The following TACC2 variants were observed in gnomAD, a reference collection of about 807,000 sequenced individuals.
TACC2 encodes transforming acidic coiled-coil-containing protein 2.
A neutral mutation model predicts 227.3 loss-of-function variants in TACC2; 137 were observed. The ratio of observed to expected loss-of-function variants is 0.60; its 90% confidence interval spans 0.52 to 0.69. TACC2 has a LOEUF of 0.69. TACC2 is among the 30% of genes least tolerant of loss of function. The pLI is 0.00. For missense variants in TACC2, 3,470 were observed against 3,694.4 expected (o/e 0.94, Z 1.57); for synonymous variants, 1,523 against 1,487.5 (o/e 1.02, Z -0.55).
intron 11 of TACC2, among the ~76,000 whole-genome samples, chr10:122,221,426 T>A (rs950916237): frequency 6.6e-6 from 1 of 152,170 alleles, no homozygotes; most frequent in African/African-American, 2.4e-5. Context: ...TCTCAGTGAC[T>A]CTTTGGTGGT....
chr10:122,041,777 G>C (rs1294970888), intron 2 of TACC2, among the ~76,000 whole-genome samples: 3 of 152,186 alleles, frequency 2.0e-5, no homozygotes, highest in Non-Finnish European at 2.9e-5. Context: ...ACTGTCACCT[G>C]TCTGCTCCCA....
At chr10:122,097,162 C>CAAAAAG (rs2081534292) in intron 5 of TACC2, among the ~76,000 whole-genome samples, 1 of 151,304 alleles carries the variant, frequency 6.6e-6, no homozygotes, top group Admixed American at 6.6e-5. Context: ...TCCATCTCTA[C>CAAAAAG]AAAAAGAAAA....
At chr10:122,088,112 G>A (rs2080290997) in intron 4 of TACC2, among the ~76,000 whole-genome samples, 153 bp downstream of exon 4, 1 of 152,176 alleles carries the variant, frequency 6.6e-6, no homozygotes, top group African/African-American at 2.4e-5. Context: ...TACCCCCTCT[G>A]GATGTCCTGA....
chr10:122,019,349 T>G (rs1304106194), intron 1 of TACC2, among the ~76,000 whole-genome samples: 1 of 152,234 alleles, frequency 6.6e-6, no homozygotes. Flanking sequence ...GTATGTGCGT[T>G]TCCACATTAT....
chr10:122,050,463 G>A lies in TACC2; in HGVS notation c.59G>A (p.Arg20Lys), dbSNP rs758684627. 7 of 1,613,986 alleles carry A rather than the reference G, an allele frequency of 4.3e-6. No individual in the cohort carries two copies. Among genetic ancestry groups the A allele is most frequent in the Middle Eastern group, 1.6e-4 (1 of 6,062 alleles). ...NQRTLSAQTPRSAQPPGNSQN... is the reference protein window; with the variant it reads ...NQRTLSAQTPKSAQPPGNSQN... The stretch of plus-strand genomic sequence containing the variant: ...AGGACTTTATCAGCTCAGACTCCAA[G>A]GTCCGCGCAGCCACCCGGGAACAGT... The change falls in exon 3 of 23, where the codon AGG becomes AAG. Residue 20 changes from arginine (R) to lysine (K), a missense_variant. Physicochemically the swap from Arg to Lys is conservative, Grantham distance 26 (BLOSUM62 2). Around this residue, in one of 10 missense-constraint regions of TACC2, gnomAD observed 405 missense variants for 389.6 expected, o/e 1.04. Transcript: ENST00000369005. The surrounding 1 kb of genome is among the most constrained non-coding windows in gnomAD (Gnocchi z 4.6).
Position 122,211,121 on chromosome 10 carries a change from A to G in TACC2, c.6696A>G (p.Lys2232=), listed in dbSNP as rs1461134307. The G allele has an allele frequency of 6.2e-7, 1 of 1,609,888 alleles. No individual in the cohort carries two copies. The highest frequency in any genetic ancestry group is 1.7e-5 in the Admixed American group (1 of 59,176). ...RVQNSPPVGR[K]TLPLTTAPEA... is the part of the protein sequence containing the mutation. ...AGAACTCACCCCCTGTCGGGAGGAAAACGCTGCCTCTTACCACGGCCCCGG... is the reference window on the plus strand; with the variant it reads ...AGAACTCACCCCCTGTCGGGAGGAAGACGCTGCCTCTTACCACGGCCCCGG... Residue 2232 remains lysine (K), a synonymous_variant, in exon 9 of 23, where the codon AAA becomes AAG. Coordinates refer to ENST00000369005, the MANE Select transcript of TACC2 (RefSeq NM_206862.4).
intron 5 of TACC2, among the ~76,000 whole-genome samples, chr10:122,115,041 C>G (rs1221082900): frequency 6.6e-6 from 1 of 152,248 alleles, no homozygotes; most frequent in Non-Finnish European, 1.5e-5. Context: ...AACCCCAGAC[C>G]GCAGACACTT....
At chr10:122,213,194 C>T (rs1475480711) in intron 9 of TACC2, 3 of 754,538 alleles carry the variant, frequency 4.0e-6, no homozygotes, top group East Asian at 4.9e-5. Flanking sequence ...GGAAGCTGTT[C>T]CCCAGCAGCT....
chr10:122,111,388 C>T (rs1279381579), intron 5 of TACC2, among the ~76,000 whole-genome samples: 1 of 152,212 alleles, frequency 6.6e-6, no homozygotes, highest in Non-Finnish European at 1.5e-5. Context: ...GGGATGGCAC[C>T]TCAAGTTCAT....
intron 2 of TACC2, among the ~76,000 whole-genome samples, chr10:122,031,607 G>A (rs1431506349): frequency 6.6e-6 from 1 of 151,784 alleles, no homozygotes; most frequent in East Asian, 1.9e-4. Flanking sequence ...GTTTCACCGT[G>A]TTAGCCAGGT....
rs771655052 is a variant in TACC2, at chr10:122,210,679, G to A, written c.6254G>A (p.Arg2085Gln). The change falls in exon 9 of 23, where the codon CGG (arginine) becomes CAG (glutamine). Residue 2085 changes from arginine (R) to glutamine (Q), a missense_variant. Physicochemically the swap from Arg to Gln is conservative, Grantham distance 43. Coordinates refer to ENST00000369005, the MANE Select transcript of TACC2 (RefSeq NM_206862.4). This position sits in a 1 kb window ranked among gnomAD's most constrained non-coding sequence, Gnocchi z 4.6. The stretch of plus-strand genomic sequence containing the variant: ...CCCATCTCTAAGTCTACACTGTCCC[G>A]GTCGCTCAGCCTGCAAGCCAGTGAC... Reference protein sequence around the residue: ...SVPISKSTLSRSLSLQASDFD... With the variant: ...SVPISKSTLSQSLSLQASDFD... 32 of 1,613,886 alleles carry A rather than the reference G, an allele frequency of 2.0e-5. No individual in the cohort carries two copies. Among genetic ancestry groups the A allele is most frequent in the Admixed American group, 1.0e-4 (6 of 59,992 alleles).
intron 2 of TACC2, among the ~76,000 whole-genome samples, chr10:122,040,284 A>AGTGTCAG (rs1444484774): frequency 6.6e-6 from 1 of 152,016 alleles, no homozygotes; most frequent in Non-Finnish European, 1.5e-5. Flanking sequence ...TGTTCCCGGG[A>AGTGTCAG]GTGTCAGGGT....
In TACC2 at chr10:122,083,827, G is replaced by A. The variant is rs943607533; in HGVS notation, c.1327G>A (p.Glu443Lys). 1 of 1,614,190 alleles carries A rather than the reference G, an allele frequency of 6.2e-7. No individual in the cohort carries two copies. The highest frequency in any genetic ancestry group is 2.2e-5 in the East Asian group (1 of 44,886). ...AVEEPGSSSRESVSKAGMPVS... is the reference protein window; with the variant it reads ...AVEEPGSSSRKSVSKAGMPVS... ...AGAAGAACCTGGATCATCATCCAGG[G>A]AATCAGTTTCCAAGGCTGGGATGCC... Residue 443 changes from glutamate to lysine, a missense_variant, in exon 4 of 23, where the codon GAA (glutamate) becomes AAA (lysine). By Grantham distance (56) the Glu-to-Lys change is moderately conservative (BLOSUM62 1). Around this residue, in one of 10 missense-constraint regions of TACC2, gnomAD observed 1,924 missense variants for 1,978.3 expected, o/e 0.97. Coordinates refer to ENST00000369005, the MANE Select transcript of TACC2 (RefSeq NM_206862.4).
chr10:122,228,063 G>C, intron 14 of TACC2, 55 bp downstream of exon 14: 1 of 1,552,318 alleles, frequency 6.4e-7, no homozygotes, highest in South Asian at 1.2e-5. Context: ...GGCCAGCTGC[G>C]TATTGTCACC....
chr10:122,218,560 A>G (rs865840697), intron 11 of TACC2, among the ~76,000 whole-genome samples: 20 of 152,192 alleles, frequency 1.3e-4, no homozygotes, highest in African/African-American at 4.3e-4. Flanking sequence ...TATTGGATGC[A>G]TATCTTCTCC....
At chr10:122,094,099 T>C (rs4752643) in intron 5 of TACC2, among the ~76,000 whole-genome samples, 144,176 of 152,208 alleles carry the variant, frequency 0.95, 68,781 homozygotes, top group East Asian at 1. Flanking sequence ...ACTAAAGCCT[T>C]TACAAATTGT....
intron 2 of TACC2, among the ~76,000 whole-genome samples, chr10:122,032,344 A>G (rs985460630): frequency 6.6e-6 from 1 of 151,610 alleles, no homozygotes; most frequent in Non-Finnish European, 1.5e-5. Context: ...CAGTGAGCAC[A>G]CTCCCCGTCG....
At chr10:122,075,352 G>GA (rs1554998116) in intron 3 of TACC2, among the ~76,000 whole-genome samples, 2 of 151,792 alleles carry the variant, frequency 1.3e-5, no homozygotes, top group African/African-American at 4.8e-5. Flanking sequence ...GGGAAGGCTG[G>GA]CCCAGGGAGC....
At chr10:122,098,104 A>C (rs2081678558) in intron 5 of TACC2, among the ~76,000 whole-genome samples, 1 of 152,182 alleles carries the variant, frequency 6.6e-6, no homozygotes, top group African/African-American at 2.4e-5. Context: ...CTCCCAGCCC[A>C]GGGCCCAGCA....
Sources: gnomAD v4.1 joint callset for allele counts (sites outside exome capture counted in the v4.1 genomes callset) on GRCh38, gnomAD v4.1.1 for gene constraint, gnomAD v4.1.1 regional missense constraint, Gnocchi (gnomAD v3.1) non-coding constraint, MANE v1.5 for transcripts, NCBI Gene and HGNC (gene_info 2026-07-23, HGNC 2026-07-21) for gene names.